The following ARID4B variants were observed in gnomAD, a reference collection of about 807,000 sequenced individuals.
The protein encoded by ARID4B is AT-rich interactive domain-containing protein 4B.
Under a neutral mutation model 147.5 loss-of-function variants are expected in ARID4B, and 26 were observed. The observed-to-expected ratio is 0.18, with a 90% CI of 0.13 to 0.24. The LOEUF is 0.24. ARID4B is among the 10% of genes least tolerant of loss of function. The pLI is 1.00. For synonymous variants in ARID4B, 512 were observed against 507.9 expected (o/e 1.01, Z -0.11); for missense variants, 1,179 against 1,511.5 (o/e 0.78, Z 3.65).
At chr1:235,232,654 C>T (rs1191195287) in intron 9 of ARID4B, among the ~76,000 whole-genome samples, 1 of 151,886 alleles carries the variant, frequency 6.6e-6, no homozygotes, top group East Asian at 1.9e-4. Flanking sequence ...CTAGTTACCA[C>T]ACTGTACATC....
At chr1:235,232,190 C>A (rs562455073) in intron 9 of ARID4B, among the ~76,000 whole-genome samples, 27 of 152,160 alleles carry the variant, frequency 1.8e-4, no homozygotes, top group African/African-American at 6.5e-4. Flanking sequence ...GAAGCTGAGG[C>A]GAGTGGATCA....
intron 2 of ARID4B, among the ~76,000 whole-genome samples, chr1:235,294,199 T>G (rs978905372): frequency 6.6e-6 from 1 of 151,986 alleles, no homozygotes; most frequent in Non-Finnish European, 1.5e-5. Flanking sequence ...ATCTGAACCT[T>G]TAAAAATTAA....
chr1:235,279,208 C>G (rs912268777), intron 2 of ARID4B, among the ~76,000 whole-genome samples: 2 of 152,110 alleles, frequency 1.3e-5, no homozygotes, highest in African/African-American at 4.8e-5. Flanking sequence ...ATGCACCCCC[C>G]ACCCCCGGCA....
intron 19 of ARID4B, among the ~76,000 whole-genome samples, chr1:235,191,830 T>C (rs1019981629): frequency 2.6e-5 from 4 of 152,274 alleles, no homozygotes; most frequent in African/African-American, 4.8e-5. Flanking sequence ...CCTAACACTT[T>C]GGAAGGCTGA....
At chr1:235,244,234 A>G (rs1173211345) in intron 7 of ARID4B, among the ~76,000 whole-genome samples, 2 of 152,176 alleles carry the variant, frequency 1.3e-5, no homozygotes, top group Non-Finnish European at 2.9e-5. Context: ...CTTATGCTTT[A>G]TCTTTTTTCT....
chr1:235,302,256 G>C (rs1673225806), intron 2 of ARID4B, among the ~76,000 whole-genome samples: 1 of 99,918 alleles, frequency 1.0e-5, no homozygotes, highest in Non-Finnish European at 2.1e-5. Flanking sequence ...TGGGGAGGGG[G>C]AAGTGTAAAG....
chr1:235,223,674 A>G (rs1356039940), intron 12 of ARID4B, among the ~76,000 whole-genome samples: 2 of 138,538 alleles, frequency 1.4e-5, no homozygotes, highest in Non-Finnish European at 3.1e-5. Flanking sequence ...ATGATTCTAT[A>G]GTAAAGCTAC....
At chr1:235,230,462 G>T (rs1668131078) in intron 10 of ARID4B, among the ~76,000 whole-genome samples, 1 of 150,712 alleles carries the variant, frequency 6.6e-6, no homozygotes, top group African/African-American at 2.4e-5. Flanking sequence ...ACAACACAAA[G>T]TTACTTTGAT....
At chr1:235,179,146 AAACTTAAATTTT>A (rs1343017167) in intron 20 of ARID4B, among the ~76,000 whole-genome samples, 1 of 152,230 alleles carries the variant, frequency 6.6e-6, no homozygotes, top group East Asian at 1.9e-4. Context: ...CTAAATAGTA[AAACTTAAATTTT>A]AACTTGTGAT....
intron 2 of ARID4B, among the ~76,000 whole-genome samples, chr1:235,263,056 C>T (rs1670387672): frequency 6.6e-6 from 1 of 152,094 alleles, no homozygotes. Flanking sequence ...GCTATAAAAA[C>T]CCAAATGGCA....
In ARID4B at chr1:235,201,208, G is replaced by GTGAA. The variant is rs539615233; in HGVS notation, c.1842-5097_1842-5094dup. On this transcript the variant is annotated intron_variant, in intron 17 of 23. Transcript: ENST00000264183. Reference sequence around the variant, plus strand: ...ATAACTGGAAAGGAAGTGGCAAAGAGTGAAACTGCAGCTAAGAAATAGAAG... The same window carrying GTGAA: ...ATAACTGGAAAGGAAGTGGCAAAGAGTGAATGAAACTGCAGCTAAGAAATAGAAG... Among the ~76,000 whole-genome samples the GTGAA allele has an allele frequency of 2.6e-3, 397 of 152,244 alleles. 3 individuals carry two copies. Among genetic ancestry groups the GTGAA allele is most frequent in the African/African-American group, 9.1e-3 (380 of 41,558 alleles).
At chr1:235,305,357 C>T (rs1331108268) in intron 2 of ARID4B, among the ~76,000 whole-genome samples, 1 of 152,156 alleles carries the variant, frequency 6.6e-6, no homozygotes, top group African/African-American at 2.4e-5. Flanking sequence ...AAACTCCTCC[C>T]TCTCGATACA....
intron 11 of ARID4B, among the ~76,000 whole-genome samples, chr1:235,225,863 G>A (rs1039873954): frequency 6.6e-6 from 1 of 151,942 alleles, no homozygotes; most frequent in Non-Finnish European, 1.5e-5. Context: ...AGCCTATGTT[G>A]ATCAACTATT....
intron 2 of ARID4B, among the ~76,000 whole-genome samples, chr1:235,286,696 G>A (rs186603290): frequency 3.7e-4 from 56 of 152,328 alleles, no homozygotes; most frequent in African/African-American, 1.2e-3. Context: ...GAGTTCTGGA[G>A]AAGCAAGGCC....
intron 19 of ARID4B, among the ~76,000 whole-genome samples, chr1:235,190,924 C>T (rs142302283): frequency 3.9e-4 from 60 of 152,334 alleles, no homozygotes; most frequent in Non-Finnish European, 7.5e-4. Context: ...GAAAGTCATA[C>T]TGCAGGCTAT....
intron 2 of ARID4B, among the ~76,000 whole-genome samples, chr1:235,314,740 A>G (rs1049889754): frequency 6.6e-6 from 1 of 152,120 alleles, no homozygotes; most frequent in Non-Finnish European, 1.5e-5. Context: ...TAAATGATAT[A>G]TAACAATATA....
intron 16 of ARID4B, among the ~76,000 whole-genome samples, chr1:235,216,057 T>C (rs1667052407): frequency 6.6e-6 from 1 of 152,102 alleles, no homozygotes; most frequent in Non-Finnish European, 1.5e-5. Context: ...TATAATGCTT[T>C]TTTATTCTCC....
At chr1:235,249,194 G>A (rs1245490488) in intron 6 of ARID4B, among the ~76,000 whole-genome samples, 2 of 152,002 alleles carry the variant, frequency 1.3e-5, no homozygotes, top group African/African-American at 2.4e-5. Flanking sequence ...TTAGTCAGGC[G>A]TGGTGCTGCA....
intron 20 of ARID4B, among the ~76,000 whole-genome samples, chr1:235,178,609 T>C (rs1664054278): frequency 6.6e-6 from 1 of 152,202 alleles, no homozygotes; most frequent in Non-Finnish European, 1.5e-5. Flanking sequence ...CACTGATCAA[T>C]CACTACTCTG....
Sources: allele counts gnomAD v4.1 joint callset (sites outside exome capture counted in the v4.1 genomes callset), GRCh38; gene constraint gnomAD v4.1.1; transcripts MANE v1.5; gene names NCBI Gene and HGNC (gene_info 2026-07-23, HGNC 2026-07-21).